The following ATXN7 variants were observed in gnomAD, a reference collection of about 807,000 sequenced individuals.
ATXN7 encodes the protein ataxin-7.
In ATXN7, 12 loss-of-function variants were observed where a neutral mutation model predicts 70.5. That is an observed-to-expected ratio of 0.17 (90% confidence interval 0.11 to 0.28). The LOEUF (loss-of-function observed/expected upper bound fraction) is 0.28, where lower values mean the gene tolerates loss of function less well. Ranked by LOEUF, ATXN7 falls within the 10% of genes least tolerant of loss-of-function variation. The pLI, the probability that ATXN7 is intolerant of heterozygous loss-of-function variation, is 1.00. For missense variants in ATXN7, 1,256 were observed against 1,131.7 expected (o/e 1.11, Z -1.58); for synonymous variants, 498 against 448.7 (o/e 1.11, Z -1.39).
intron 4 of ATXN7, among the ~76,000 whole-genome samples, chr3:63,924,686 G>A (rs1670470175): frequency 6.6e-6 from 1 of 152,106 alleles, no homozygotes; most frequent in African/African-American, 2.4e-5. Context: ...ACAGTATGAA[G>A]GTCATTAATG....
chr3:63,912,733 C>G lies in ATXN7; in HGVS notation c.135C>G (p.Pro45=). 7.9e-7 allele frequency: 1 copy of G among 1,267,524 alleles called. No individual in the cohort carries two copies. Among genetic ancestry groups the G allele is most frequent in the Non-Finnish European group, 1.0e-6 (1 of 1,000,784 alleles). The allele number at this position is 1,267,524 out of a possible 1,614,324, so 78.5% of individuals were successfully genotyped here. A position where few individuals can be genotyped will look rare whatever the true frequency, so the allele number is the denominator to read the frequency against. Residue 45 remains proline, a synonymous_variant, in exon 3 of 13, where the codon CCC becomes CCG. Transcript: ENST00000674280. ...AGCAGCAGCCGCCGCCTCCGCAGCC[C>G]CAGCGGCAGCAGCACCCGCCACCGC... The part of the protein sequence containing the change: ...QQQQQPPPPQ[P]QRQQHPPPPP...
chr3:63,936,010 A>G (rs532249545), intron 4 of ATXN7, among the ~76,000 whole-genome samples: 26 of 152,358 alleles, frequency 1.7e-4, no homozygotes, highest in Middle Eastern at 3.4e-3. Context: ...CATTCAATGC[A>G]TATTGTTTTG....
At chr3:63,866,260 T>G (rs573084812) in intron 1 of ATXN7, among the ~76,000 whole-genome samples, 1 of 152,320 alleles carries the variant, frequency 6.6e-6, no homozygotes, top group Non-Finnish European at 1.5e-5. Flanking sequence ...TATTTTATTT[T>G]TTTTTGAGAC....
intron 2 of ATXN7, among the ~76,000 whole-genome samples, chr3:63,906,939 T>C (rs1298592519): frequency 6.6e-6 from 1 of 152,248 alleles, no homozygotes; most frequent in Non-Finnish European, 1.5e-5. Flanking sequence ...TTATTTATTT[T>C]ATCCGTCAGT....
chr3:63,920,813 C>A (rs540987142), intron 4 of ATXN7, among the ~76,000 whole-genome samples: 1 of 152,146 alleles, frequency 6.6e-6, no homozygotes, highest in East Asian at 1.9e-4. Context: ...AAAAAAAATT[C>A]CTTTAGAAAG....
At chr3:63,900,077 A>G (rs1342706372) in intron 2 of ATXN7, among the ~76,000 whole-genome samples, 1 of 151,538 alleles carries the variant, frequency 6.6e-6, no homozygotes, top group African/African-American at 2.4e-5. Flanking sequence ...GCAAGACCCC[A>G]TGTTAAAAAA....
At chr3:63,913,007 AC>A in intron 3 of ATXN7, 84 bp downstream of exon 3, 1 of 1,013,390 alleles carries the variant, frequency 9.9e-7, no homozygotes, top group Admixed American at 3.0e-5. Context: ...CCCTCCTGTG[AC>A]CCGCCCCCTC....
intron 4 of ATXN7, among the ~76,000 whole-genome samples, chr3:63,931,317 A>C (rs531329705): frequency 7.9e-5 from 12 of 151,260 alleles, no homozygotes; most frequent in African/African-American, 2.0e-4. Flanking sequence ...CCGCCCCCCC[A>C]AAAAAAAGTA....
chr3:63,889,925 T>G (rs950794998), intron 1 of ATXN7, among the ~76,000 whole-genome samples: 5 of 152,254 alleles, frequency 3.3e-5, no homozygotes, highest in Non-Finnish European at 7.3e-5. Context: ...CATCCTCTAC[T>G]TACCAGCTTA....
chr3:63,967,638 C>T, intron 5 of ATXN7: 1 of 522,962 alleles, frequency 1.9e-6, no homozygotes, highest in Admixed American at 4.6e-5. Context: ...CTTATAAATT[C>T]CATCTTCCCC....
chr3:63,872,708 T>G (rs1260553655), intron 1 of ATXN7, among the ~76,000 whole-genome samples: 1 of 152,236 alleles, frequency 6.6e-6, no homozygotes, highest in African/African-American at 2.4e-5. Flanking sequence ...GTTGCAGCCA[T>G]CAACATATGT....
intron 4 of ATXN7, among the ~76,000 whole-genome samples, chr3:63,917,638 C>T (rs941838622): frequency 9.8e-5 from 15 of 152,306 alleles, no homozygotes; most frequent in East Asian, 9.6e-4. Context: ...CTGCATTCTA[C>T]GTGTCAGCAT....
chr3:63,990,755 C>T lies in ATXN7; in HGVS notation c.1578C>T (p.Ser526=). 1.2e-6 allele frequency: 2 copies of T among 1,614,056 alleles called. No individual in the cohort carries two copies. Among genetic ancestry groups the T allele is most frequent in the Non-Finnish European group, 1.7e-6 (2 of 1,179,980 alleles). The change falls in exon 11 of 13, where the codon AGC becomes AGT. Residue 526 remains serine, a synonymous_variant. Coordinates refer to ENST00000674280, the MANE Select transcript of ATXN7 (RefSeq NM_001377405.1). ...TCTTGCAGTTTTGCACATTTGGGAG[C>T]CGGCAGATAGGAAGAGGCTATTACG... ...PQPASFCTFG[S]RQIGRGYYVF... is the part of the protein sequence containing the mutation.
chr3:63,922,884 A>G (rs1704562155), intron 4 of ATXN7, among the ~76,000 whole-genome samples: 1 of 152,216 alleles, frequency 6.6e-6, no homozygotes, highest in Non-Finnish European at 1.5e-5. Flanking sequence ...AGTATGGAAC[A>G]CAGAAGCCAT....
chr3:63,925,195 C>G (rs1305714865), intron 4 of ATXN7, among the ~76,000 whole-genome samples: 3 of 152,156 alleles, frequency 2.0e-5, no homozygotes, highest in African/African-American at 7.2e-5. Flanking sequence ...GTTGGGAGAT[C>G]ATCTGTTCAC....
intron 4 of ATXN7, 88 bp downstream of exon 4, chr3:63,913,313 T>G: frequency 1.5e-6 from 2 of 1,323,458 alleles, no homozygotes; most frequent in Non-Finnish European, 2.1e-6. Flanking sequence ...CAGCCCACCA[T>G]ACCGACTCCC....
At chr3:63,976,059 T>A (rs2075383330) in intron 5 of ATXN7, among the ~76,000 whole-genome samples, 2 of 152,300 alleles carry the variant, frequency 1.3e-5, no homozygotes, top group South Asian at 4.1e-4. Context: ...CAACTTGGAC[T>A]CCTCAGCAGA....
intron 1 of ATXN7, among the ~76,000 whole-genome samples, chr3:63,878,859 A>T (rs1043409447): frequency 6.6e-6 from 1 of 152,106 alleles, no homozygotes; most frequent in Non-Finnish European, 1.5e-5. Flanking sequence ...CAGGGAGGGA[A>T]CAAGGAGGGA....
intron 4 of ATXN7, among the ~76,000 whole-genome samples, chr3:63,943,995 G>A (rs2074814435): frequency 1.3e-5 from 2 of 152,318 alleles, no homozygotes; most frequent in African/African-American, 4.8e-5. Context: ...CCCTTGGCTT[G>A]CAGTATTGGC....
Sources: gnomAD v4.1 joint callset for allele counts (sites outside exome capture counted in the v4.1 genomes callset) on GRCh38, gnomAD v4.1.1 for gene constraint, MANE v1.5 for transcripts, NCBI Gene and HGNC (gene_info 2026-07-23, HGNC 2026-07-21) for gene names.